ANK2: variants seen among roughly 807,000 people sequenced by gnomAD.
The protein encoded by ANK2 is ankyrin 2, also known as ankyrin-2.
Under a neutral mutation model 360.5 loss-of-function variants are expected in ANK2, and 83 were observed. The observed-to-expected ratio is 0.23, with a 90% CI of 0.19 to 0.28. ANK2 has a LOEUF of 0.28. Among genes scored for constraint, ANK2 ranks in the 10% least tolerant of loss-of-function variants. The pLI, the probability that ANK2 is intolerant of heterozygous loss-of-function variation, is 1.00. For synonymous variants in ANK2, 1,740 were observed against 1,759.5 expected (o/e 0.99, Z 0.28); for missense variants, 4,201 against 4,795.7 (o/e 0.88, Z 3.66).
intron 2 of ANK2, among the ~76,000 whole-genome samples, chr4:112,950,399 C>G (rs1195675559): frequency 1.3e-5 from 2 of 152,026 alleles, no homozygotes; most frequent in African/African-American, 4.8e-5. Flanking sequence ...AATCCCAGCA[C>G]TTTGGGAGGC....
chr4:113,295,086 T>A (rs968566867), intron 22 of ANK2, among the ~76,000 whole-genome samples: 4 of 152,180 alleles, frequency 2.6e-5, no homozygotes, highest in African/African-American at 9.6e-5. Context: ...TACCAAGTTA[T>A]CACTAGATGG....
chr4:112,754,926 A>AT, the ANK2 span, among the ~76,000 whole-genome samples: 1 of 152,096 alleles, frequency 6.6e-6, no homozygotes, highest in Non-Finnish European at 1.5e-5. Context: ...AAAGATGAAG[A>AT]TTTTTTTACT....
In ANK2 at chr4:113,373,096, G is replaced by A. The variant is rs777035563; in HGVS notation, c.11617G>A (p.Asp3873Asn). 3.1e-6 allele frequency: 5 copies of A among 1,613,902 alleles called. No individual in the cohort carries two copies. The highest frequency in any genetic ancestry group is 1.6e-4 in the Middle Eastern group (1 of 6,062). The change falls in exon 44 of 46, where the codon GAT becomes AAT. Residue 3873 changes from aspartate (D) to asparagine (N), a missense_variant. Transcript: ENST00000357077. ...TTTTCTCTCAACTGTTTAGGGAGACGATATGCCTGAAATACCCCCAGAAAC... is the reference window on the plus strand; with the variant it reads ...TTTTCTCTCAACTGTTTAGGGAGACAATATGCCTGAAATACCCCCAGAAAC... ...DEDAAFEKGD[D>N]MPEIPPETVT...
intron 1 of ANK2, among the ~76,000 whole-genome samples, chr4:112,854,634 T>C (rs116001608): frequency 2.5e-4 from 38 of 152,298 alleles, no homozygotes; most frequent in African/African-American, 9.1e-4. Flanking sequence ...AGAGGTAGTA[T>C]GCTAAGAAGG....
the ANK2 span, among the ~76,000 whole-genome samples, chr4:112,742,887 G>A: frequency 6.6e-6 from 1 of 152,028 alleles, no homozygotes; most frequent in South Asian, 2.1e-4. Flanking sequence ...ACCATGCCCA[G>A]CTAATTTTTG....
intron 1 of ANK2, among the ~76,000 whole-genome samples, chr4:112,864,574 T>C (rs2069499427): frequency 1.3e-5 from 2 of 151,800 alleles, no homozygotes; most frequent in Middle Eastern, 3.4e-3. Context: ...CCTCCCAAAG[T>C]GCTGGGATTA....
the ANK2 span, among the ~76,000 whole-genome samples, chr4:112,759,302 T>G: frequency 6.6e-6 from 1 of 151,510 alleles, no homozygotes; most frequent in African/African-American, 2.4e-5. Context: ...TGCCTGTAAA[T>G]AAAAAAAAAT....
intron 1 of ANK2, among the ~76,000 whole-genome samples, chr4:113,159,804 T>C (rs1448847104): frequency 6.6e-6 from 1 of 151,724 alleles, no homozygotes; most frequent in Non-Finnish European, 1.5e-5. Context: ...ATTTTTGTAG[T>C]AGAGATGGGG....
the ANK2 span, among the ~76,000 whole-genome samples, chr4:112,723,773 A>C: frequency 6.6e-6 from 1 of 152,344 alleles, no homozygotes; most frequent in African/African-American, 2.4e-5. Flanking sequence ...TTTAGAACCT[A>C]ACAACAAAGG....
intron 1 of ANK2, among the ~76,000 whole-genome samples, chr4:112,851,958 C>T (rs1419574129): frequency 6.6e-6 from 1 of 152,162 alleles, no homozygotes; most frequent in East Asian, 1.9e-4. Context: ...TTTTACTTGT[C>T]CCTTCTTCAA....
At chr4:113,238,798 A>C (rs2099403571) in intron 7 of ANK2, among the ~76,000 whole-genome samples, 1 of 152,194 alleles carries the variant, frequency 6.6e-6, no homozygotes, top group South Asian at 2.1e-4. Flanking sequence ...CATGTTAATC[A>C]GGGAAGCGTT....
At chr4:113,048,789 C>T (rs7663732), upstream of ANK2, among the ~76,000 whole-genome samples, 122,932 of 151,928 alleles carry the variant, frequency 0.81, 50,069 homozygotes, top group African/African-American at 0.88. Flanking sequence ...TAAAATATTG[C>T]AACTCCATTA....
chr4:113,268,872 T>C (rs2057331099), intron 14 of ANK2, among the ~76,000 whole-genome samples: 1 of 152,186 alleles, frequency 6.6e-6, no homozygotes, highest in Non-Finnish European at 1.5e-5. Flanking sequence ...TGAATCCGTC[T>C]GGTCCTGGGC....
rs35956627 is a variant in ANK2 at position 113,330,315 on chromosome 4, A to C, written c.2970A>C (p.Arg990=). 887 of 1,614,208 alleles carry C rather than the reference A, an allele frequency of 5.5e-4. 7 individuals are homozygous for C. The African/African-American group carries it at 0.011, about 20-fold the overall frequency. Residue 990 remains arginine (R), a synonymous_variant, in exon 27 of 46, where the codon CGA becomes CGC. Transcript: ENST00000357077. ...GAGGATGCAGACACAATGGGCTCCG[A>C]ATCATTATTCCACCTCGGAAATGTA... The part of the protein sequence containing the change: ...AMRGCRHNGL[R]IIIPPRKCTA...
At chr4:112,756,678 A>T in the ANK2 span, among the ~76,000 whole-genome samples, 1 of 152,218 alleles carries the variant, frequency 6.6e-6, no homozygotes, top group Non-Finnish European at 1.5e-5. Context: ...GCTCGGCTGG[A>T]AAAATATTGA....
At chr4:113,200,240 G>A (rs72898017) in intron 4 of ANK2, among the ~76,000 whole-genome samples, 3,178 of 152,124 alleles carry the variant, frequency 0.021, 113 homozygotes, top group African/African-American at 0.073. Flanking sequence ...TTATAATTTG[G>A]TACCATCTGT....
chr4:113,236,027 C>G (rs367933356), intron 5 of ANK2, among the ~76,000 whole-genome samples: 1 of 152,142 alleles, frequency 6.6e-6, no homozygotes, highest in Non-Finnish European at 1.5e-5. Flanking sequence ...TGTGAGCCAC[C>G]GTGCCTGGCC....
the ANK2 span, among the ~76,000 whole-genome samples, chr4:112,760,647 T>A: frequency 6.6e-6 from 1 of 152,086 alleles, no homozygotes; most frequent in African/African-American, 2.4e-5. Flanking sequence ...ACCCATTAAC[T>A]CGTCATTTAG....
the ANK2 span, among the ~76,000 whole-genome samples, chr4:112,780,240 T>C: frequency 1.3e-5 from 2 of 151,798 alleles, no homozygotes; most frequent in Non-Finnish European, 2.9e-5. Context: ...GAAAGCCCAT[T>C]ATCCTCAGCA....
Sources: gnomAD v4.1 joint callset for allele counts (sites outside exome capture counted in the v4.1 genomes callset) on GRCh38, gnomAD v4.1.1 for gene constraint, MANE v1.5 for transcripts, NCBI Gene and HGNC (gene_info 2026-07-23, HGNC 2026-07-21) for gene names.